Variants in DLGAP2 observed in about 807,000 individuals in gnomAD.
DLGAP2 encodes DLG associated protein 2.
DLGAP2 carries 26 observed loss-of-function variants against 100.3 expected under a neutral mutation model. The ratio of observed to expected loss-of-function variants is 0.26; its 90% CI spans 0.19 to 0.36. The LOEUF (loss-of-function observed/expected upper bound fraction) is 0.36. Ranked by LOEUF, DLGAP2 falls within the 10% of genes least tolerant of loss-of-function variation. The pLI is 1.00. For synonymous variants in DLGAP2, 886 were observed against 630.1 expected, an observed-to-expected ratio of 1.41 and a Z score of -6.08; for missense variants, 1,858 against 1,453.2, an observed-to-expected ratio of 1.28 and a Z score of -4.53.
At chr8:817,004 G>C (rs1012684943) in intron 1 of DLGAP2, among the ~76,000 whole-genome samples, 1 of 152,062 alleles carries the variant, frequency 6.6e-6, no homozygotes, top group Non-Finnish European at 1.5e-5. Context: ...AGCCTGGCGC[G>C]GTGGTGGGCG....
At chr8:1,407,898 T>C (rs1263380103) in intron 3 of DLGAP2, among the ~76,000 whole-genome samples, 2 of 151,736 alleles carry the variant, frequency 1.3e-5, no homozygotes, top group Non-Finnish European at 2.9e-5. Context: ...TGGAGTCATG[T>C]ATTGAGTGCT....
intron 8 of DLGAP2, among the ~76,000 whole-genome samples, chr8:1,647,966 C>T (rs1175359104): frequency 6.6e-6 from 1 of 152,142 alleles, no homozygotes; most frequent in Non-Finnish European, 1.5e-5. Context: ...CTCATCCTGC[C>T]CCCAGACAAT....
chr8:1,347,716 G>A (rs10089744), intron 3 of DLGAP2, among the ~76,000 whole-genome samples: 108,916 of 149,130 alleles, frequency 0.73, 39,792 homozygotes, highest in East Asian at 0.92. Context: ...ACAGAGCTGC[G>A]TTGCACTCAT....
At chr8:744,607 C>G (rs1203699250) in intron 1 of DLGAP2, among the ~76,000 whole-genome samples, 2 of 150,028 alleles carry the variant, frequency 1.3e-5, no homozygotes, top group African/African-American at 4.9e-5. Context: ...CACTCCCTGC[C>G]TCTTCTCCGG....
intron 2 of DLGAP2, among the ~76,000 whole-genome samples, chr8:936,779 G>T (rs1799082159): frequency 6.6e-6 from 1 of 152,214 alleles, no homozygotes; most frequent in Admixed American, 6.5e-5. Context: ...ATGCTCTGCA[G>T]ATGCCCGGGA....
chr8:1,221,470 G>A (rs1238511053), intron 2 of DLGAP2, among the ~76,000 whole-genome samples: 1 of 152,172 alleles, frequency 6.6e-6, no homozygotes, highest in Non-Finnish European at 1.5e-5. Context: ...AAGGTCCACT[G>A]TTAGCCTGAT....
At position 1,205,908 on chromosome 8, in the gene DLGAP2, C is replaced by G. The variant is rs547806190; in HGVS notation, c.74-52943C>G. ...TGGCACCTGTCTGTGATCGCAGCTA[C>G]CTGGGATGCTGAGGCAGGAGGATCA... is the stretch of plus-strand genomic sequence containing the variant. On this transcript the variant is annotated intron_variant, in intron 2 of 14. Transcript: ENST00000637795. Among the ~76,000 whole-genome samples the G allele has an allele frequency of 8.6e-4, 131 of 152,230 alleles. 1 individual carries two copies. The highest frequency in any genetic ancestry group is 3.0e-3 in the African/African-American group (126 of 41,546).
chr8:1,174,287 A>G (rs1025488382), intron 2 of DLGAP2, among the ~76,000 whole-genome samples: 3 of 151,970 alleles, frequency 2.0e-5, no homozygotes, highest in Non-Finnish European at 2.9e-5. Flanking sequence ...CATCATCACC[A>G]CCATCATCAC....
At chr8:832,209 T>G (rs1435061548) in intron 1 of DLGAP2, among the ~76,000 whole-genome samples, 2 of 152,238 alleles carry the variant, frequency 1.3e-5, no homozygotes, top group Non-Finnish European at 2.9e-5. Context: ...CAGAAGTTCT[T>G]TAGTTTAATT....
chr8:1,240,602 C>CTAGTTCTCTCACATGGTGCT (rs1179990918), intron 2 of DLGAP2, among the ~76,000 whole-genome samples: 45 of 145,508 alleles, frequency 3.1e-4, no homozygotes, highest in Admixed American at 3.4e-4. Flanking sequence ...CACATGGTGC[C>CTAGTTCTCTCACATGGTGCT]GTGTCTAGTT....
At chr8:1,526,624 A>G (rs1800802718) in intron 4 of DLGAP2, among the ~76,000 whole-genome samples, 1 of 152,216 alleles carries the variant, frequency 6.6e-6, no homozygotes, top group African/African-American at 2.4e-5. Flanking sequence ...CTGCCACTGA[A>G]GACAAAGGCT....
At chr8:1,408,036 C>T (rs907884901) in intron 3 of DLGAP2, among the ~76,000 whole-genome samples, 2 of 152,234 alleles carry the variant, frequency 1.3e-5, no homozygotes, top group Non-Finnish European at 2.9e-5. Flanking sequence ...CCAGTCAGGA[C>T]AACCAAAAAT....
At position 1,213,236 on chromosome 8, in the gene DLGAP2, A is replaced by G. The variant is rs970759850; in HGVS notation, c.74-45615A>G. Among the ~76,000 whole-genome samples the G allele has an allele frequency of 2.6e-5, 4 of 152,288 alleles. No homozygotes were observed. In the East Asian group the frequency reaches 7.7e-4, roughly 29 times the overall value. On this transcript the variant is annotated intron_variant, in intron 2 of 14. Coordinates refer to ENST00000637795, the MANE Select transcript of DLGAP2 (RefSeq NM_001346810.2). ...TCTTGTCTGTGGCTTTCCTGGGATT[A>G]AATCTGCAAGTCAACAACAGGCTTC...
chr8:1,556,175 G>T (rs913818861), intron 5 of DLGAP2, among the ~76,000 whole-genome samples: 16 of 152,208 alleles, frequency 1.1e-4, no homozygotes, highest in East Asian at 7.7e-4. Context: ...GACGGCCACC[G>T]AGTGGTCACC....
intron 2 of DLGAP2, among the ~76,000 whole-genome samples, chr8:1,246,097 T>G (rs887664858): frequency 6.6e-5 from 10 of 152,236 alleles, no homozygotes; most frequent in African/African-American, 2.4e-4. Context: ...ATTTGGTTTC[T>G]AAATATCTTA....
intron 8 of DLGAP2, among the ~76,000 whole-genome samples, chr8:1,633,483 C>T (rs1399049080): frequency 1.3e-5 from 2 of 152,164 alleles, no homozygotes; most frequent in Non-Finnish European, 2.9e-5. Context: ...TGACTCACCG[C>T]CGCTAAGCAG....
At chr8:1,133,620 A>C (rs1433121434) in intron 2 of DLGAP2, among the ~76,000 whole-genome samples, 10 of 152,222 alleles carry the variant, frequency 6.6e-5, no homozygotes, top group Non-Finnish European at 1.5e-5. Flanking sequence ...CCAAGTCAAA[A>C]TAAATATTAT....
chr8:1,592,779 T>G (rs1477801274), intron 6 of DLGAP2, among the ~76,000 whole-genome samples: 1 of 152,196 alleles, frequency 6.6e-6, no homozygotes, highest in African/African-American at 2.4e-5. Flanking sequence ...TAAACTCATT[T>G]CTTTTTATTA....
Position 1,705,726 on chromosome 8 carries a change from T to C in DLGAP2, c.*4320T>C, listed in dbSNP as rs1799689203. The C allele has an allele frequency of 6.6e-6, 1 of 152,188 alleles. No homozygotes were observed. Among genetic ancestry groups the C allele is most frequent in the Non-Finnish European group, 1.5e-5 (1 of 68,026 alleles). 9.4% of individuals were successfully genotyped at this position (152,188 alleles called of 1,614,324 possible). On this transcript the variant is annotated 3_prime_UTR_variant, in exon 15 of 15. Coordinates refer to ENST00000637795, the MANE Select transcript of DLGAP2 (RefSeq NM_001346810.2). ...CTCAAGCCTGAACTTCATTTTTTTT[T>C]TTAGCTGCAAATTTAACAGGCTAAT...
Sources: allele counts gnomAD v4.1 joint callset (sites outside exome capture counted in the v4.1 genomes callset), GRCh38; gene constraint gnomAD v4.1.1; transcripts MANE v1.5; gene names NCBI Gene and HGNC (gene_info 2026-07-23, HGNC 2026-07-21).